SLC12A7: variants seen among roughly 807,000 people sequenced by gnomAD.
SLC12A7 encodes K-Cl cotransporter 4.
A neutral mutation model predicts 120.6 loss-of-function variants in SLC12A7; 100 were observed. The ratio of observed to expected loss-of-function variants is 0.83; its 90% confidence interval spans 0.71 to 0.98. The LOEUF (loss-of-function observed/expected upper bound fraction) is 0.98. Among genes scored for constraint, SLC12A7 ranks in the 50% least tolerant of loss-of-function variants. The pLI is 0.00. For synonymous variants in SLC12A7, 760 were observed against 678.0 expected (o/e 1.12, Z -1.88); for missense variants, 1,373 against 1,548.1 (o/e 0.89, Z 1.90).
chr5:1,084,081 C>T (rs1445474120), intron 7 of SLC12A7, 125 bp from the exon 8 acceptor site: 3 of 760,216 alleles, frequency 3.9e-6, no homozygotes, highest in Non-Finnish European at 6.6e-6. Context: ...CTGCACCTCC[C>T]AAGACAGGAA....
rs1561017571 is a variant in SLC12A7 at position 1,050,935 on chromosome 5, G to A, written c.*1425C>T. 5.0e-6 allele frequency: 2 copies of A among 398,518 alleles called. No homozygotes were observed. The highest frequency in any genetic ancestry group is 8.8e-6 in the Non-Finnish European group (2 of 226,072). 24.7% of individuals were successfully genotyped at this position (398,518 alleles called of 1,614,324 possible). ...CTTTGTTGATGGGGCTGATTCCCTT[G>A]GGAGACCATGCAAGCCAGACGTAGC... On this transcript the variant is annotated 3_prime_UTR_variant, in exon 24 of 24. Coordinates refer to ENST00000264930, the MANE Select transcript of SLC12A7 (RefSeq NM_006598.3).
At chr5:1,080,362 G>A (rs1225932144) in intron 9 of SLC12A7, among the ~76,000 whole-genome samples, 1 of 152,158 alleles carries the variant, frequency 6.6e-6, no homozygotes, top group Non-Finnish European at 1.5e-5. Flanking sequence ...CAGACGGACG[G>A]GGGAGGCTGG....
At chr5:1,114,308 G>A (rs773694929), upstream of SLC12A7, among the ~76,000 whole-genome samples, 15 of 152,126 alleles carry the variant, frequency 9.9e-5, no homozygotes, top group Non-Finnish European at 1.8e-4. Context: ...GACCTCGGGT[G>A]GGGGGTGAGG....
the SLC12A7 span, among the ~76,000 whole-genome samples, chr5:1,140,801 C>T: frequency 6.6e-6 from 1 of 152,206 alleles, no homozygotes; most frequent in African/African-American, 2.4e-5. Flanking sequence ...CAAGCACTGG[C>T]TGGGGAGGGA....
chr5:1,078,631 G>T, intron 11 of SLC12A7, 70 bp downstream of exon 11: 1 of 1,303,196 alleles, frequency 7.7e-7, no homozygotes, highest in Non-Finnish European at 1.1e-6. Context: ...TAATTTCAAA[G>T]CCGAATTCAT....
the SLC12A7 span, among the ~76,000 whole-genome samples, chr5:1,127,475 C>T: frequency 4.6e-5 from 7 of 152,212 alleles, no homozygotes; most frequent in African/African-American, 9.6e-5. Flanking sequence ...TTAGAGCCTC[C>T]GGAGGGCGTG....
chr5:1,075,901 T>C, intron 14 of SLC12A7: 2 of 538,248 alleles, frequency 3.7e-6, no homozygotes, highest in Middle Eastern at 4.8e-4. Context: ...CTGGGCATCC[T>C]CGTAACCAGA....
chr5:1,094,085 G>A, intron 2 of SLC12A7, 69 bp downstream of exon 2: 1 of 1,348,880 alleles, frequency 7.4e-7, no homozygotes, highest in Non-Finnish European at 1.1e-6. Flanking sequence ...GGGGCCCCCA[G>A]GGGCTCCTTT....
chr5:1,140,894 G>A, the SLC12A7 span, among the ~76,000 whole-genome samples: 1 of 152,230 alleles, frequency 6.6e-6, no homozygotes, highest in African/African-American at 2.4e-5. Flanking sequence ...GGAACCCCTT[G>A]GGAGGCTCAG....
At chr5:1,092,126 G>C (rs1740593055) in intron 3 of SLC12A7, among the ~76,000 whole-genome samples, 1 of 152,246 alleles carries the variant, frequency 6.6e-6, no homozygotes, top group African/African-American at 2.4e-5. Flanking sequence ...CCCAGATTGA[G>C]GCTTCTCAAA....
intron 1 of SLC12A7, among the ~76,000 whole-genome samples, chr5:1,110,145 G>A (rs571177322): frequency 6.6e-6 from 1 of 152,400 alleles, no homozygotes; most frequent in South Asian, 2.1e-4. Flanking sequence ...CAGCCTGGCA[G>A]TGGCTGGGCA....
chr5:1,104,591 G>A (rs1742323364), intron 1 of SLC12A7, among the ~76,000 whole-genome samples: 1 of 152,174 alleles, frequency 6.6e-6, no homozygotes, highest in Non-Finnish European at 1.5e-5. Context: ...ATGGCAATCT[G>A]ACTCCAGGGG....
In SLC12A7 at chr5:1,052,484, C is replaced by T. The variant is rs1392106274; in HGVS notation, c.3161-33G>A. ...CAACAGAGTTAAGGCCACAGCTGAT[C>T]TTACCTGAGCGTGTGTAGCTGAAAT... On this transcript the variant is annotated intron_variant, in intron 23 of 23. Coordinates refer to ENST00000264930, the MANE Select transcript of SLC12A7 (RefSeq NM_006598.3). The T allele has an allele frequency of 2.0e-6, 3 of 1,536,662 alleles. No homozygotes were observed. In the African/African-American group the frequency reaches 4.1e-5, roughly 21 times the overall value.
At position 1,085,129 on chromosome 5, in the gene SLC12A7, C is replaced by A. The variant is rs374297560; in HGVS notation, c.917+103G>T. The A allele has an allele frequency of 5.4e-6, 8 of 1,477,630 alleles. No individual in the cohort carries two copies. In the East Asian group the frequency reaches 9.5e-5, roughly 18 times the overall value. 91.5% of individuals were successfully genotyped at this position (1,477,630 alleles called of 1,614,324 possible). A position where few individuals can be genotyped will look rare whatever the true frequency, so the allele number is the denominator to read the frequency against. On this transcript the variant is annotated intron_variant, in intron 7 of 23. Coordinates refer to ENST00000264930, the MANE Select transcript of SLC12A7 (RefSeq NM_006598.3). ...ACGGTCACACCCAGCCCACCCCTTG[C>A]GGGGAGCTCGGCGTCAAGGATGATG...
the SLC12A7 span, among the ~76,000 whole-genome samples, chr5:1,149,795 A>T: frequency 6.6e-6 from 1 of 151,998 alleles, no homozygotes; most frequent in Non-Finnish European, 1.5e-5. Context: ...TTGGGAGGCC[A>T]AGGTGGGCGG....
intron 17 of SLC12A7, 95 bp downstream of exon 17, chr5:1,073,538 C>A: frequency 1.5e-6 from 2 of 1,361,310 alleles, no homozygotes; most frequent in South Asian, 1.3e-5. Context: ...CGCACAGCAC[C>A]GTGTTGACAC....
chr5:1,065,504 C>T, intron 17 of SLC12A7, 26 bp from the exon 18 acceptor site: 1 of 1,538,098 alleles, frequency 6.5e-7, no homozygotes, highest in Non-Finnish European at 8.8e-7. Flanking sequence ...CAGGTTGGTG[C>T]TACAGCAGGA....
chr5:1,082,134 C>T (rs1305301565), intron 8 of SLC12A7, among the ~76,000 whole-genome samples: 6 of 142,506 alleles, frequency 4.2e-5, no homozygotes, highest in South Asian at 2.3e-4. Context: ...TTCCCCGTCT[C>T]GGGTTCTGGG....
chr5:1,093,296 C>T (rs987964837), intron 3 of SLC12A7, among the ~76,000 whole-genome samples: 11 of 152,172 alleles, frequency 7.2e-5, no homozygotes, highest in African/African-American at 9.7e-5. Flanking sequence ...ACAGGGAACC[C>T]GGCCACCCAG....
Sources: allele counts gnomAD v4.1 joint callset (sites outside exome capture counted in the v4.1 genomes callset), GRCh38; gene constraint gnomAD v4.1.1; transcripts MANE v1.5; gene names NCBI Gene and HGNC (gene_info 2026-07-23, HGNC 2026-07-21).